TEX35: variants seen among roughly 807,000 people sequenced by gnomAD.
TEX35 encodes the protein testis-expressed protein 35.
TEX35 carries 26 observed loss-of-function variants against 31.9 expected under a neutral mutation model. That is an observed-to-expected ratio of 0.81 (90% CI 0.60 to 1.13). The LOEUF (loss-of-function observed/expected upper bound fraction) is 1.13. Among genes scored for constraint, TEX35 ranks in the 50% most tolerant of loss-of-function variants. The pLI is 0.00. For synonymous variants in TEX35, 87 were observed against 90.7 expected (o/e 0.96, Z 0.23); for missense variants, 278 against 273.5 (o/e 1.02, Z -0.12).
intron 2 of TEX35, 124 bp from the exon 3 acceptor site, chr1:178,514,576 A>G (rs1650004902): frequency 1.1e-6 from 1 of 926,486 alleles, no homozygotes; most frequent in African/African-American, 1.7e-5. Flanking sequence ...AGGTGGGGCC[A>G]CCAGCTTTCC....
At chr1:178,521,493 G>C in intron 8 of TEX35, 6 of 1,071,140 alleles carry the variant, frequency 5.6e-6, no homozygotes, top group South Asian at 4.0e-5. Flanking sequence ...TCCCATGGTG[G>C]GGAGGGTGCA....
chr1:178,521,699 C>T (rs750061149), intron 8 of TEX35: 18 of 1,551,776 alleles, frequency 1.2e-5, no homozygotes, highest in South Asian at 3.6e-5. Flanking sequence ...CCAGCAGTTC[C>T]GATTCATCAC....
intron 5 of TEX35, among the ~76,000 whole-genome samples, chr1:178,518,903 C>T (rs1176113152): frequency 1.3e-5 from 2 of 150,952 alleles, no homozygotes; most frequent in African/African-American, 2.4e-5. Context: ...GTGGTCAGCA[C>T]GGGGATCAGT....
In TEX35 at chr1:178,521,109, C is replaced by T. The variant is rs983773173; in HGVS notation, c.544-113C>T. 11 of 1,596,574 alleles carry T rather than the reference C, an allele frequency of 6.9e-6. No individual in the cohort carries two copies. The African/African-American group carries it at 9.4e-5, about 14-fold the overall frequency. ...CCCTGGATGGGCCTACCCGCCAGCT[C>T]CACCCTCTTATTCTGTCCTTCCCTT... On this transcript the variant is annotated intron_variant, in intron 7 of 8. Coordinates refer to ENST00000319416, the MANE Select transcript of TEX35 (RefSeq NM_032126.5).
intron 6 of TEX35, 110 bp from the exon 7 acceptor site, chr1:178,520,563 T>C (rs1223342817): frequency 1.3e-6 from 2 of 1,597,010 alleles, no homozygotes; most frequent in South Asian, 2.2e-5. Context: ...CTACTGCCCC[T>C]GTGACTTGGA....
At position 178,521,106 on chromosome 1, in the gene TEX35, G is replaced by C; in HGVS notation, c.544-116G>C. ...TGACCCTGGATGGGCCTACCCGCCA[G>C]CTCCACCCTCTTATTCTGTCCTTCC... On this transcript the variant is annotated intron_variant, in intron 7 of 8. Coordinates refer to ENST00000319416, the MANE Select transcript of TEX35 (RefSeq NM_032126.5). 1.9e-6 allele frequency: 3 copies of C among 1,594,990 alleles called. No homozygotes were observed. The Admixed American group carries it at 5.0e-5, about 27-fold the overall frequency.
At chr1:178,516,541 G>T in intron 4 of TEX35, 74 bp from the exon 5 acceptor site, 5 of 1,344,978 alleles carry the variant, frequency 3.7e-6, no homozygotes, top group Non-Finnish European at 4.2e-6. Context: ...TGCTTAAAAT[G>T]CCTGAAAGAT....
chr1:178,519,109 T>C (rs566558608), intron 5 of TEX35, among the ~76,000 whole-genome samples: 5 of 152,230 alleles, frequency 3.3e-5, no homozygotes, highest in Admixed American at 3.3e-4. Flanking sequence ...CCCGGCAGGT[T>C]TTGTTTGCAA....
intron 2 of TEX35, 179 bp downstream of exon 2, chr1:178,514,256 G>C: frequency 1.3e-6 from 2 of 1,516,278 alleles, no homozygotes; most frequent in Non-Finnish European, 1.8e-6. Flanking sequence ...ATACATAAAC[G>C]AACAAGGACT....
intron 5 of TEX35, among the ~76,000 whole-genome samples, chr1:178,517,581 C>T (rs1020938924): frequency 6.6e-6 from 1 of 152,222 alleles, no homozygotes; most frequent in African/African-American, 2.4e-5. Context: ...AAGTCAGAAG[C>T]TCTTAGAATG....
intron 1 of TEX35, 92 bp downstream of exon 1, chr1:178,513,319 G>A (rs562129769): frequency 9.4e-6 from 14 of 1,489,560 alleles, no homozygotes; most frequent in African/African-American, 4.2e-5. Flanking sequence ...GAGAATGCTC[G>A]CATGAATCTC....
intron 5 of TEX35, among the ~76,000 whole-genome samples, chr1:178,519,139 A>G (rs10913564): frequency 0.58 from 87,663 of 151,970 alleles, 25,945 homozygotes; most frequent in African/African-American, 0.71. Flanking sequence ...GGTGGGGCCC[A>G]GGGAGCAGGT....
At chr1:178,522,894 G>T (rs932589618), downstream of TEX35, among the ~76,000 whole-genome samples, 3 of 152,120 alleles carry the variant, frequency 2.0e-5, no homozygotes, top group Admixed American at 1.3e-4. Context: ...CAAATGGTAG[G>T]TCTAATTTAT....
Position 178,515,904 on chromosome 1 carries a change from G to A in TEX35, c.205G>A (p.Glu69Lys), listed in dbSNP as rs547829770. ...VREELKEKME[E>K]IKQIKDLMDK... The stretch of plus-strand genomic sequence containing the variant: ...AGAAGAGCTCAAGGAGAAAATGGAG[G>A]AGATAAAACAGGTAAGAAGATGAGG... The change falls in exon 4 of 9, where the codon GAG becomes AAG. Residue 69 changes from glutamate (E) to lysine (K), a missense_variant. Coordinates refer to ENST00000319416, the MANE Select transcript of TEX35 (RefSeq NM_032126.5). 1 of 1,612,604 alleles carries A rather than the reference G, an allele frequency of 6.2e-7. No individual in the cohort carries two copies. The highest frequency in any genetic ancestry group is 1.1e-5 in the South Asian group (1 of 90,844).
At chr1:178,516,404 G>A (rs942525854) in intron 4 of TEX35, among the ~76,000 whole-genome samples, 15 of 152,226 alleles carry the variant, frequency 9.9e-5, no homozygotes, top group African/African-American at 3.4e-4. Context: ...GATCTAAGCC[G>A]TGCCAAGGCT....
intron 8 of TEX35, 171 bp from the exon 9 acceptor site, chr1:178,522,154 A>T: frequency 1.1e-6 from 1 of 922,660 alleles, no homozygotes; most frequent in Non-Finnish European, 1.6e-6. Flanking sequence ...TGGGTGATGC[A>T]GGGAACCCCT....
At chr1:178,522,660 G>C (rs1447916629), downstream of TEX35, 2 of 975,470 alleles carry the variant, frequency 2.1e-6, no homozygotes, top group African/African-American at 3.2e-5. Context: ...CTTTTTTTTT[G>C]GAATTTTATT....
chr1:178,514,624 G>T, intron 2 of TEX35, 76 bp from the exon 3 acceptor site: 1 of 1,417,880 alleles, frequency 7.1e-7, no homozygotes. Context: ...GAAACACAGG[G>T]GGATCTCTTC....
At position 178,520,762 on chromosome 1, in the gene TEX35, A is replaced by G; in HGVS notation, c.431A>G (p.Asp144Gly). Residue 144 changes from aspartate (D) to glycine (G), a missense_variant, in exon 7 of 9, where the codon GAT (aspartate) becomes GGT (glycine). Physicochemically the swap from Asp to Gly is moderately conservative, Grantham distance 94. Transcript: ENST00000319416. ...CCACAGCTCAGGCCCAAGAAAATGG[A>G]TGGAGCCAGTGGAGTCAATGGAGCA... ...REPQLRPKKMDGASGVNGAPC... is the reference protein window; with the variant it reads ...REPQLRPKKMGGASGVNGAPC... The G allele has an allele frequency of 6.2e-7, 1 of 1,614,138 alleles. No homozygotes were observed.
Sources: gnomAD v4.1 joint callset for allele counts (sites outside exome capture counted in the v4.1 genomes callset) on GRCh38, gnomAD v4.1.1 for gene constraint, MANE v1.5 for transcripts, NCBI Gene and HGNC (gene_info 2026-07-23, HGNC 2026-07-21) for gene names.